The following ACVR2A variants were observed in gnomAD, a reference collection of about 807,000 sequenced individuals.
The protein encoded by ACVR2A is activin receptor type-2A.
A neutral mutation model predicts 61.4 loss-of-function variants in ACVR2A; 7 were observed. The ratio of observed to expected loss-of-function variants is 0.11; its 90% CI spans 0.06 to 0.21. The LOEUF is 0.21. Among genes scored for constraint, ACVR2A ranks in the 10% least tolerant of loss-of-function variants. The pLI, the probability that ACVR2A is intolerant of heterozygous loss-of-function variation, is 1.00. For missense variants in ACVR2A, 322 were observed against 621.7 expected (o/e 0.52, Z 5.13); for synonymous variants, 193 against 208.3 (o/e 0.93, Z 0.63).
chr2:147,853,251 C>G (rs149733608), intron 1 of ACVR2A, among the ~76,000 whole-genome samples: 1 of 151,954 alleles, frequency 6.6e-6, no homozygotes, highest in South Asian at 2.1e-4. Flanking sequence ...AACATGATAA[C>G]GTAATATTCT....
intron 9 of ACVR2A, 142 bp from the exon 10 acceptor site, chr2:147,925,884 ACAGTT>A (rs1231026853): frequency 1.5e-5 from 11 of 749,796 alleles, no homozygotes; most frequent in Non-Finnish European, 2.3e-5. Context: ...TGGTATAAGT[ACAGTT>A]GAGAGTCTGT....
chr2:147,900,277 A>G (rs73020037), intron 4 of ACVR2A, among the ~76,000 whole-genome samples: 109 of 152,170 alleles, frequency 7.2e-4, no homozygotes, highest in African/African-American at 2.6e-3. Context: ...TGCCTTTTTC[A>G]AGACCACTTG....
At chr2:147,902,409 A>G (rs1242029676) in intron 4 of ACVR2A, among the ~76,000 whole-genome samples, 4 of 152,094 alleles carry the variant, frequency 2.6e-5, no homozygotes, top group South Asian at 4.1e-4. Flanking sequence ...TTTGTTTCAT[A>G]TAATTCAGTA....
chr2:147,896,247 G>A, intron 1 of ACVR2A, 54 bp from the exon 2 acceptor site: 1 of 1,487,238 alleles, frequency 6.7e-7, no homozygotes. Context: ...TTGGGAAACA[G>A]TCTTTTATTT....
rs58223082 is a variant in ACVR2A at position 147,873,302 on chromosome 2, T to G, written c.56-22999T>G. Among the ~76,000 whole-genome samples, 157 of 152,112 alleles carry G rather than the reference T, an allele frequency of 1.0e-3. 2 individuals carry two copies. In the East Asian group the frequency reaches 0.027, roughly 27 times the overall value. ...TTTCTAGTAGCCACATTAAATGTTT[T>G]TAAAATAAAATTAATTTTAGTAATG... On this transcript the variant is annotated intron_variant, in intron 1 of 10. Coordinates refer to ENST00000241416, the MANE Select transcript of ACVR2A (RefSeq NM_001616.5).
chr2:147,895,230 A>G (rs1686699397), intron 1 of ACVR2A, among the ~76,000 whole-genome samples: 1 of 152,186 alleles, frequency 6.6e-6, no homozygotes, highest in South Asian at 2.1e-4. Context: ...ATGTAAAGAT[A>G]CAGTATTAAA....
At chr2:147,886,000 A>G (rs1249452553) in intron 1 of ACVR2A, among the ~76,000 whole-genome samples, 2 of 152,164 alleles carry the variant, frequency 1.3e-5, no homozygotes, top group African/African-American at 4.8e-5. Flanking sequence ...CAGTAGGATG[A>G]TTATTAAGCA....
chr2:147,850,668 CTA>C (rs1016577014), intron 1 of ACVR2A, among the ~76,000 whole-genome samples: 3 of 137,402 alleles, frequency 2.2e-5, no homozygotes, highest in African/African-American at 7.6e-5. Context: ...TTCAAATTGA[CTA>C]TTGAACATGA....
chr2:147,905,909 G>A (rs1001671394), intron 4 of ACVR2A, among the ~76,000 whole-genome samples: 34 of 152,234 alleles, frequency 2.2e-4, no homozygotes, highest in African/African-American at 8.2e-4. Context: ...ATAAGGTAAA[G>A]TTGCACATTA....
At chr2:147,849,629 G>T (rs1464813097) in intron 1 of ACVR2A, among the ~76,000 whole-genome samples, 1 of 152,048 alleles carries the variant, frequency 6.6e-6, no homozygotes, top group Non-Finnish European at 1.5e-5. Context: ...TTTGAACTCT[G>T]GTTTTAAGGG....
At chr2:147,883,926 T>A (rs1426282524) in intron 1 of ACVR2A, among the ~76,000 whole-genome samples, 1 of 152,132 alleles carries the variant, frequency 6.6e-6, no homozygotes, top group Non-Finnish European at 1.5e-5. Flanking sequence ...TGTGACAGAT[T>A]GATGTTTTAT....
chr2:147,867,042 T>A (rs1218790304), intron 1 of ACVR2A, among the ~76,000 whole-genome samples: 1 of 152,170 alleles, frequency 6.6e-6, no homozygotes, highest in Non-Finnish European at 1.5e-5. Flanking sequence ...TATCGTTTCA[T>A]TGTAAGAAAT....
At chr2:147,863,620 A>G (rs1685781669) in intron 1 of ACVR2A, among the ~76,000 whole-genome samples, 1 of 152,202 alleles carries the variant, frequency 6.6e-6, no homozygotes, top group Non-Finnish European at 1.5e-5. Context: ...TGCTATTAAG[A>G]AAAATCATAA....
chr2:147,905,852 A>C (rs1219657257), intron 4 of ACVR2A, among the ~76,000 whole-genome samples: 2 of 152,150 alleles, frequency 1.3e-5, no homozygotes, highest in Non-Finnish European at 2.9e-5. Context: ...GCAAAAAGGG[A>C]GGAAGGGGAG....
chr2:147,897,414 C>T (rs891799993), intron 2 of ACVR2A, among the ~76,000 whole-genome samples: 2 of 152,122 alleles, frequency 1.3e-5, no homozygotes, highest in Admixed American at 6.5e-5. Flanking sequence ...AAGTAAAATA[C>T]AGTGGTCATG....
chr2:147,900,983 T>C (rs1378922315), intron 4 of ACVR2A, among the ~76,000 whole-genome samples: 2 of 152,080 alleles, frequency 1.3e-5, no homozygotes, highest in Non-Finnish European at 2.9e-5. Context: ...CCTTGTAAGA[T>C]GTGTATATAG....
At chr2:147,900,664 G>A (rs912841535) in intron 4 of ACVR2A, 6 of 151,960 alleles carry the variant, frequency 3.9e-5, no homozygotes, top group African/African-American at 1.2e-4. Flanking sequence ...GAAGTAGTTA[G>A]TATTCTACAG....
intron 1 of ACVR2A, among the ~76,000 whole-genome samples, chr2:147,861,205 A>G (rs1685720058): frequency 6.6e-6 from 1 of 152,256 alleles, no homozygotes; most frequent in African/African-American, 2.4e-5. Flanking sequence ...TATTTATTGA[A>G]TACGAACAAG....
intron 1 of ACVR2A, among the ~76,000 whole-genome samples, chr2:147,853,089 A>G (rs534539285): frequency 4.9e-4 from 74 of 152,256 alleles, no homozygotes; most frequent in Non-Finnish European, 2.2e-4. Context: ...GAATGGTAGC[A>G]CTACTAAATA....
Sources: allele counts gnomAD v4.1 joint callset (sites outside exome capture counted in the v4.1 genomes callset), GRCh38; gene constraint gnomAD v4.1.1; transcripts MANE v1.5; gene names NCBI Gene and HGNC (gene_info 2026-07-23, HGNC 2026-07-21).